The following CNTNAP5 variants were observed in gnomAD, a reference collection of about 807,000 sequenced individuals.
CNTNAP5 encodes contactin-associated protein-like 5.
A neutral mutation model predicts 150.2 loss-of-function variants in CNTNAP5; 72 were observed. The observed-to-expected ratio is 0.48, with a 90% CI of 0.40 to 0.58. CNTNAP5 has a LOEUF of 0.58. Ranked by LOEUF, CNTNAP5 falls within the 20% of genes least tolerant of loss-of-function variation. CNTNAP5 has a pLI of 0.00. For synonymous variants in CNTNAP5, 672 were observed against 619.8 expected (o/e 1.08, Z -1.25); for missense variants, 1,636 against 1,626.2 (o/e 1.01, Z -0.10).
chr2:124,053,270 C>A (rs1681757371), intron 1 of CNTNAP5, among the ~76,000 whole-genome samples: 1 of 152,172 alleles, frequency 6.6e-6, no homozygotes, highest in South Asian at 2.1e-4. Context: ...TCATCAGATT[C>A]AGCCACTAGA....
At chr2:124,725,244 A>G (rs1206637506) in intron 13 of CNTNAP5, among the ~76,000 whole-genome samples, 2 of 151,970 alleles carry the variant, frequency 1.3e-5, no homozygotes, top group East Asian at 3.9e-4. Flanking sequence ...TGTTTTTACT[A>G]GGACAGTCTT....
chr2:124,380,608 C>A (rs1245012595), intron 3 of CNTNAP5, among the ~76,000 whole-genome samples: 1 of 152,164 alleles, frequency 6.6e-6, no homozygotes. Context: ...TCTTGTACTG[C>A]TCACTGTTTT....
chr2:124,029,401 G>T (rs537918784), intron 1 of CNTNAP5, among the ~76,000 whole-genome samples: 1 of 151,998 alleles, frequency 6.6e-6, no homozygotes, highest in African/African-American at 2.4e-5. Flanking sequence ...GAGTCCTAAA[G>T]ATTTTCCTTT....
chr2:124,857,602 G>T (rs901273472), intron 19 of CNTNAP5, among the ~76,000 whole-genome samples: 11 of 151,714 alleles, frequency 7.3e-5, no homozygotes, highest in Admixed American at 2.0e-4. Flanking sequence ...GAGGCGGGTG[G>T]ATCAACTGAG....
At chr2:124,088,886 A>ATGAG (rs1224984666) in intron 1 of CNTNAP5, among the ~76,000 whole-genome samples, 1 of 152,216 alleles carries the variant, frequency 6.6e-6, no homozygotes, top group African/African-American at 2.4e-5. Context: ...CGGCCTTTGC[A>ATGAG]TGAGTAAAGA....
intron 13 of CNTNAP5, among the ~76,000 whole-genome samples, chr2:124,702,340 T>C (rs1679538813): frequency 7.2e-6 from 1 of 139,292 alleles, no homozygotes; most frequent in South Asian, 2.3e-4. Context: ...TGTGAAACTA[T>C]GAACACTTTT....
rs190630431 is a variant in CNTNAP5 at position 124,387,233 on chromosome 2, C to G, written c.382-30210C>G. ...GTACAGAGTCCGACTAGAATGTCAT[C>G]TTTTCTGCTGGGGATAGCAAAGCCA... On this transcript the variant is annotated intron_variant, in intron 3 of 23. Transcript: ENST00000682447. 1.2e-4 allele frequency among the ~76,000 whole-genome samples: 19 copies of G among 152,354 alleles called. No homozygotes were observed. The South Asian group carries it at 3.9e-3, about 32-fold the overall frequency.
chr2:124,805,031 C>T (rs534883592), intron 19 of CNTNAP5, among the ~76,000 whole-genome samples: 2 of 152,088 alleles, frequency 1.3e-5, no homozygotes, highest in Admixed American at 6.5e-5. Context: ...ATGAAATACT[C>T]TTAAAAATTA....
chr2:124,875,197 T>C (rs1677828843), intron 21 of CNTNAP5, among the ~76,000 whole-genome samples: 1 of 152,076 alleles, frequency 6.6e-6, no homozygotes, highest in Non-Finnish European at 1.5e-5. Context: ...CCTGAATGCT[T>C]TCACATAAAA....
chr2:124,568,517 T>TA lies in CNTNAP5; in HGVS notation c.1756+5195dup, dbSNP rs1173189921. Among the ~76,000 whole-genome samples, 16 of 152,346 alleles carry TA rather than the reference T, an allele frequency of 1.1e-4. No homozygotes were observed. In the South Asian group the frequency reaches 2.3e-3, roughly 22 times the overall value. Reference sequence around the variant, plus strand: ...CCCCTAGAGAATACTGAAGCACACTTACTATTATAACCAGAGCTTTTCACA... The same window carrying TA: ...CCCCTAGAGAATACTGAAGCACACTTAACTATTATAACCAGAGCTTTTCACA... On this transcript the variant is annotated intron_variant, in intron 11 of 23. Transcript: ENST00000682447.
rs141754604 is a variant in CNTNAP5, at chr2:124,379,070, C to G, written c.382-38373C>G. 2.3e-3 allele frequency among the ~76,000 whole-genome samples: 357 copies of G among 152,090 alleles called. 3 individuals carry two copies. Among genetic ancestry groups the G allele is most frequent in the African/African-American group, 8.1e-3 (336 of 41,504 alleles). The stretch of plus-strand genomic sequence containing the variant: ...AAGTACAAAAATTTCCCACATACCC[C>G]TGGCCCCACACATGCATAACCTCCT... On this transcript the variant is annotated intron_variant, in intron 3 of 23. Transcript: ENST00000682447.
chr2:124,866,060 G>T (rs545456762), intron 20 of CNTNAP5, among the ~76,000 whole-genome samples: 1 of 151,790 alleles, frequency 6.6e-6, no homozygotes, highest in East Asian at 1.9e-4. Context: ...TCAGGAGTTC[G>T]AGACTAGCCT....
rs3980963 is a variant in CNTNAP5 at position 124,541,179 on chromosome 2, A to ATTTTTTTTTTTTTTTTTTTTTTTTTTT, written c.1649+13740_1649+13741insTTTTTTTTTTTTTTTTTTTTTTTTTTT. 2.9e-3 allele frequency among the ~76,000 whole-genome samples: 244 copies of ATTTTTTTTTTTTTTTTTTTTTTTTTTT among 83,042 alleles called. 34 individuals are homozygous for ATTTTTTTTTTTTTTTTTTTTTTTTTTT. The highest frequency in any genetic ancestry group is 4.2e-3 in the Non-Finnish European group (183 of 43,656). The allele number at this position is 83,042 out of a possible 152,430, so 54.5% of individuals were successfully genotyped here. ...AGAGGATAAGAAGTACAAAATTCCG[A>ATTTTTTTTTTTTTTTTTTTTTTTTTTT]TTTTTTTTTTTTTTTTTGGTGAGAA... On this transcript the variant is annotated intron_variant, in intron 10 of 23. Coordinates refer to ENST00000682447, the MANE Select transcript of CNTNAP5 (RefSeq NM_001367498.1).
intron 11 of CNTNAP5, among the ~76,000 whole-genome samples, chr2:124,595,074 C>T (rs62173971): frequency 0.4 from 57,707 of 146,082 alleles, 12,469 homozygotes; most frequent in Non-Finnish European, 0.49. Flanking sequence ...ACAATCATGT[C>T]GTCTGCAAAC....
intron 11 of CNTNAP5, 142 bp from the exon 12 acceptor site, chr2:124,609,659 T>C: frequency 1.3e-6 from 1 of 797,024 alleles, no homozygotes; most frequent in Non-Finnish European, 1.9e-6. Context: ...TACTGGTGTG[T>C]TAAGGCTTGG....
At chr2:124,044,710 T>G (rs1181863277) in intron 1 of CNTNAP5, among the ~76,000 whole-genome samples, 1 of 152,164 alleles carries the variant, frequency 6.6e-6, no homozygotes, top group Admixed American at 6.5e-5. Context: ...GCTTAAATAT[T>G]TCATAAAGCC....
chr2:124,152,944 C>T (rs551154218), intron 1 of CNTNAP5, among the ~76,000 whole-genome samples: 49 of 152,196 alleles, frequency 3.2e-4, no homozygotes, highest in Non-Finnish European at 4.9e-4. Flanking sequence ...ACTACTGGTG[C>T]GGCTCCATAC....
intron 19 of CNTNAP5, among the ~76,000 whole-genome samples, chr2:124,833,237 G>T (rs1682754513): frequency 6.6e-6 from 1 of 152,092 alleles, no homozygotes; most frequent in African/African-American, 2.4e-5. Flanking sequence ...AGAAACAAAA[G>T]ATCTCATGGA....
intron 6 of CNTNAP5, among the ~76,000 whole-genome samples, chr2:124,459,539 A>G (rs1236649803): frequency 6.6e-6 from 1 of 152,096 alleles, no homozygotes; most frequent in Non-Finnish European, 1.5e-5. Flanking sequence ...ACCTGAGGTC[A>G]GGAGTTCGAG....
Sources: gnomAD v4.1 joint callset for allele counts (sites outside exome capture counted in the v4.1 genomes callset) on GRCh38, gnomAD v4.1.1 for gene constraint, MANE v1.5 for transcripts, NCBI Gene and HGNC (gene_info 2026-07-23, HGNC 2026-07-21) for gene names.